Variants in SRPX2 observed in about 807,000 individuals in gnomAD.
SRPX2 encodes sushi repeat containing protein X-linked 2, also known as sushi repeat-containing protein SRPX2.
SRPX2 carries 26 observed loss-of-function variants against 45.3 expected under a neutral mutation model. The observed-to-expected ratio is 0.57, with a 90% CI of 0.42 to 0.80. The LOEUF (loss-of-function observed/expected upper bound fraction) is 0.80. SRPX2 is among the 30% of genes least tolerant of loss of function. The pLI is 0.00. For synonymous variants in SRPX2, 125 were observed against 143.7 expected, an observed-to-expected ratio of 0.87 and a Z score of 0.93; for missense variants, 355 against 399.8, an observed-to-expected ratio of 0.89 and a Z score of 0.95.
intron 3 of SRPX2, among the ~76,000 whole-genome samples, chrX:100,654,410 G>A (rs1249074215): frequency 9.0e-6 from 1 of 111,489 alleles, no homozygotes; most frequent in Non-Finnish European, 1.9e-5. Flanking sequence ...AGTGCTAAAT[G>A]ACTTCCCGTA....
At chrX:100,653,121 A>G (rs2083158753) in intron 3 of SRPX2, among the ~76,000 whole-genome samples, 1 of 111,333 alleles carries the variant, frequency 9.0e-6, no homozygotes, top group African/African-American at 3.3e-5. Context: ...TGGTGGTGAC[A>G]ATAGAGAGAA....
intron 2 of SRPX2, among the ~76,000 whole-genome samples, chrX:100,650,568 T>C (rs2083149588): frequency 9.0e-6 from 1 of 111,461 alleles, no homozygotes; most frequent in Non-Finnish European, 1.9e-5. Context: ...ACCACAACTA[T>C]GAGCCTGCCC....
At chrX:100,647,858 C>A (rs1007457809) in intron 2 of SRPX2, among the ~76,000 whole-genome samples, 9 of 112,750 alleles carry the variant, frequency 8.0e-5, no homozygotes, top group African/African-American at 2.3e-4. Flanking sequence ...AGTCACCACT[C>A]CTGAGAAGCT....
At chrX:100,667,954 A>G (rs1382984617) in intron 9 of SRPX2, among the ~76,000 whole-genome samples, 2 of 111,733 alleles carry the variant, frequency 1.8e-5, no homozygotes, top group East Asian at 5.6e-4. Flanking sequence ...GATTGAACAC[A>G]GGGAGTCTGG....
At position 100,663,757 on chromosome X, in the gene SRPX2, C is replaced by T. The variant is rs1250037866; in HGVS notation, c.356-1017C>T. Reference sequence around the variant, plus strand: ...CAATACTTTGGCAAGCATAGGCTCACAATTAATCCATGGTGACAGGCTCCA... The same window carrying T: ...CAATACTTTGGCAAGCATAGGCTCATAATTAATCCATGGTGACAGGCTCCA... On this transcript the variant is annotated intron_variant, in intron 4 of 10. Transcript: ENST00000373004. Among the ~76,000 whole-genome samples, 9 of 112,372 alleles carry T rather than the reference C, an allele frequency of 8.0e-5. No homozygotes were observed. In the Admixed American group the frequency reaches 8.4e-4, roughly 11 times the overall value.
chrX:100,670,918 C>A lies in SRPX2; in HGVS notation c.1329C>A (p.Phe443Leu). The A allele has an allele frequency of 4.1e-6, 5 of 1,211,800 alleles. No individual in the cohort carries two copies. Among genetic ancestry groups the A allele is most frequent in the Non-Finnish European group, 4.5e-6 (4 of 895,493 alleles). ...TCACCCCCGAGGAAATCTTCACATT[C>A]ATTGATGACTACCTACTGAGCAATC... is the stretch of plus-strand genomic sequence containing the variant. ...EPVTPEEIFTFIDDYLLSNQE... is the reference protein window; with the variant it reads ...EPVTPEEIFTLIDDYLLSNQE... The change falls in exon 11 of 11, where the codon TTC becomes TTA. Residue 443 changes from phenylalanine to leucine, a missense_variant. Physicochemically the swap from Phe to Leu is conservative, Grantham distance 22. Transcript: ENST00000373004.
chrX:100,655,710 A>T (rs2083166333), intron 3 of SRPX2, among the ~76,000 whole-genome samples: 1 of 110,562 alleles, frequency 9.0e-6, no homozygotes, highest in Non-Finnish European at 1.9e-5. Context: ...CTGTTGGGAG[A>T]ACTGTATAAG....
rs1418801595 is a variant in SRPX2, at chrX:100,675,522, A to C, written c.*4535A>C. Reference sequence around the variant, plus strand: ...TTTATCCAGGTAGAAAATAAGTTAAAAGCATAAATTGGAGAGGAGAAAGAG... The same window carrying C: ...TTTATCCAGGTAGAAAATAAGTTAACAGCATAAATTGGAGAGGAGAAAGAG... On this transcript the variant is annotated 3_prime_UTR_variant, in exon 11 of 11. Transcript: ENST00000373004. The C allele has an allele frequency of 8.9e-6, 1 of 111,983 alleles. No individual in the cohort carries two copies. The highest frequency in any genetic ancestry group is 1.9e-5 in the Non-Finnish European group (1 of 53,281). 9.2% of individuals were successfully genotyped at this position (111,983 alleles called of 1,213,427 possible).
intron 6 of SRPX2, 59 bp downstream of exon 6, chrX:100,665,428 G>T: frequency 8.3e-7 from 1 of 1,205,849 alleles, no homozygotes; most frequent in Non-Finnish European, 1.1e-6. Flanking sequence ...AGTCATTCAG[G>T]CTGGTCACAT....
At chrX:100,648,171 A>G (rs1327946726) in intron 2 of SRPX2, among the ~76,000 whole-genome samples, 1 of 112,739 alleles carries the variant, frequency 8.9e-6, no homozygotes, top group African/African-American at 3.2e-5. Flanking sequence ...TGGCTGGGAA[A>G]AGTTAAGAAT....
At position 100,670,981 on chromosome X, in the gene SRPX2, C is replaced by A; in HGVS notation, c.1392C>A (p.Cys464Ter). The stretch of plus-strand genomic sequence containing the variant: ...AGCGTCGGGAGCAAAGGGACATATG[C>A]GAGTGAACTTGAGCCAGGGCATGGT... ...LTQRREQRDICE is the reference protein window; with the variant it reads ...LTQRREQRDI Residue 464 changes from cysteine to a stop codon, truncating the protein, a stop_gained, in exon 11 of 11, where the codon TGC becomes TGA. Coordinates refer to ENST00000373004, the MANE Select transcript of SRPX2 (RefSeq NM_014467.3). LOFTEE classifies it high-confidence loss of function. 1 of 1,207,925 alleles carries A rather than the reference C, an allele frequency of 8.3e-7. No individual in the cohort carries two copies. Among genetic ancestry groups the A allele is most frequent in the Non-Finnish European group, 1.1e-6 (1 of 893,411 alleles).
chrX:100,662,319 G>A lies in SRPX2; in HGVS notation c.307G>A (p.Val103Met). ...RGFRLIGRRS[V>M]QCLPSRRWSG... ...CTTTCGATTGATTGGAAGGAGGTCG[G>A]TGCAATGCCTGCCAAGCCGTCGTTG... Residue 103 changes from valine to methionine, a missense_variant, in exon 4 of 11, where the codon GTG (valine) becomes ATG (methionine). Physicochemically the swap from Val to Met is conservative, Grantham distance 21. Transcript: ENST00000373004. 1 of 1,211,831 alleles carries A rather than the reference G, an allele frequency of 8.3e-7. No individual in the cohort carries two copies. The highest frequency in any genetic ancestry group is 3.0e-5 in the East Asian group (1 of 33,843).
At chrX:100,646,750 T>C (rs956219678) in intron 2 of SRPX2, among the ~76,000 whole-genome samples, 21 of 111,461 alleles carry the variant, frequency 1.9e-4, no homozygotes, top group African/African-American at 6.8e-4. Flanking sequence ...TTAATATTAA[T>C]TCTTTTATGA....
intron 3 of SRPX2, among the ~76,000 whole-genome samples, chrX:100,657,296 A>G (rs2083172388): frequency 9.8e-6 from 1 of 102,103 alleles, no homozygotes; most frequent in Non-Finnish European, 2.0e-5. Flanking sequence ...ATTCTCATCA[A>G]CAATGTATGG....
chrX:100,655,870 T>G (rs1249001263), intron 3 of SRPX2, among the ~76,000 whole-genome samples: 2 of 101,673 alleles, frequency 2.0e-5, no homozygotes, highest in Non-Finnish European at 2.0e-5. Context: ...TTTTTTTTTT[T>G]TTTTTTTTTT....
At chrX:100,660,163 T>C (rs1269825119) in intron 3 of SRPX2, among the ~76,000 whole-genome samples, 1 of 111,810 alleles carries the variant, frequency 8.9e-6, no homozygotes, top group Non-Finnish European at 1.9e-5. Context: ...ATTTTAAACA[T>C]ACATACAGAA....
rs771790252 is a variant in SRPX2 at position 100,665,278 on chromosome X, C to T, written c.568C>T (p.Arg190Cys). Residue 190 changes from arginine to cysteine, a missense_variant, in exon 6 of 11, where the codon CGT (arginine) becomes TGT (cysteine). Arg to Cys is a radical substitution (Grantham distance 180). Transcript: ENST00000373004. ...CCCCAAGATCCGCTGTCCCCACTCA[C>T]GTGAGAAGATGGCAGAGCCAGAGAA... ...DPPKIRCPHS[R>C]EKMAEPEKLT... 2.2e-5 allele frequency: 26 copies of T among 1,208,889 alleles called. No homozygotes were observed. Among genetic ancestry groups the T allele is most frequent in the Non-Finnish European group, 2.8e-5 (25 of 894,642 alleles).
At chrX:100,653,935 G>C (rs2083161250) in intron 3 of SRPX2, among the ~76,000 whole-genome samples, 1 of 112,015 alleles carries the variant, frequency 8.9e-6, no homozygotes, top group Admixed American at 9.4e-5. Flanking sequence ...CTGTATTCCT[G>C]TATTTAACTG....
At chrX:100,662,434 G>A in intron 4 of SRPX2, 67 bp downstream of exon 4, 1 of 1,136,984 alleles carries the variant, frequency 8.8e-7, no homozygotes, top group Non-Finnish European at 1.2e-6. Flanking sequence ...GCTGCTGAGG[G>A]TATATGCCCG....
Sources: gnomAD v4.1 joint callset for allele counts (sites outside exome capture counted in the v4.1 genomes callset) on GRCh38, gnomAD v4.1.1 for gene constraint, MANE v1.5 for transcripts, NCBI Gene and HGNC (gene_info 2026-07-23, HGNC 2026-07-21) for gene names.